The following CHODL variants were observed in gnomAD, a reference collection of about 807,000 sequenced individuals.
CHODL encodes transmembrane protein MT75.
Under a neutral mutation model 34.5 loss-of-function variants are expected in CHODL, and 29 were observed. The observed-to-expected ratio is 0.84, with a 90% CI of 0.63 to 1.15. The LOEUF (loss-of-function observed/expected upper bound fraction) is 1.15. CHODL is among the 50% of genes most tolerant of loss of function. The pLI is 0.00. For missense variants in CHODL, 332 were observed against 332.5 expected (o/e 1.00, Z 0.01); for synonymous variants, 125 against 116.1 (o/e 1.08, Z -0.49).
chr21:17,953,286 A>G (rs941314213), intron 1 of CHODL, among the ~76,000 whole-genome samples: 7 of 152,146 alleles, frequency 4.6e-5, no homozygotes, highest in African/African-American at 1.7e-4. Context: ...AAGAATTAGA[A>G]CATACAAATT....
At chr21:18,249,711 C>T (rs886834595) in intron 1 of CHODL, among the ~76,000 whole-genome samples, 1 of 152,166 alleles carries the variant, frequency 6.6e-6, no homozygotes, top group Non-Finnish European at 1.5e-5. Flanking sequence ...GAGTGTAGAG[C>T]CAGATGGCCT....
At chr21:17,952,194 C>CAAAAAA (rs58511535) in intron 1 of CHODL, among the ~76,000 whole-genome samples, 6,788 of 80,044 alleles carry the variant, frequency 0.085, 670 homozygotes, top group Non-Finnish European at 0.12. Context: ...TACTATGTCT[C>CAAAAAA]AAAAAAAAAA....
intron 4 of CHODL, among the ~76,000 whole-genome samples, chr21:18,262,423 C>T (rs906800380): frequency 6.6e-6 from 1 of 152,050 alleles, no homozygotes; most frequent in Non-Finnish European, 1.5e-5. Flanking sequence ...AACCCCTGCA[C>T]CATGTTACTA....
At chr21:17,942,508 C>T (rs2063373772) in intron 1 of CHODL, among the ~76,000 whole-genome samples, 1 of 152,204 alleles carries the variant, frequency 6.6e-6, no homozygotes, top group African/African-American at 2.4e-5. Context: ...GTCCATTAAA[C>T]TTCTTTCTTT....
rs1026886032 is a variant in CHODL at position 18,245,125 on chromosome 21, C to A, written c.-99C>A. 2 of 1,054,628 alleles carry A rather than the reference C, an allele frequency of 1.9e-6. No homozygotes were observed. Among genetic ancestry groups the A allele is most frequent in the African/African-American group, 3.3e-5 (2 of 59,842 alleles). The allele number at this position is 1,054,628 out of a possible 1,614,324, so 65.3% of individuals were successfully genotyped here. Reference sequence around the variant, plus strand: ...CTCGGGCGGCGGGAGTAGGGCCCGGCAGGGAGGCAGGGAGGCTGCAGAGTC... The same window carrying A: ...CTCGGGCGGCGGGAGTAGGGCCCGGAAGGGAGGCAGGGAGGCTGCAGAGTC... On this transcript the variant is annotated 5_prime_UTR_variant, in exon 1 of 6. Transcript: ENST00000299295.
At chr21:17,929,428 G>A (rs1187160259) in intron 1 of CHODL, among the ~76,000 whole-genome samples, 1 of 152,246 alleles carries the variant, frequency 6.6e-6, no homozygotes, top group Non-Finnish European at 1.5e-5. Flanking sequence ...CTCTTCCATG[G>A]AGATGAATCA....
intron 2 of CHODL, among the ~76,000 whole-genome samples, chr21:18,093,684 G>A (rs2065102388): frequency 6.6e-6 from 1 of 152,090 alleles, no homozygotes; most frequent in African/African-American, 2.4e-5. Flanking sequence ...TAGATTATAT[G>A]ACAGTATTTG....
chr21:18,193,585 A>G (rs1045669833), intron 2 of CHODL, among the ~76,000 whole-genome samples: 4 of 151,728 alleles, frequency 2.6e-5, no homozygotes, highest in Admixed American at 2.6e-4. Context: ...AATCCCAGCT[A>G]CTTGAGAGGC....
At chr21:17,992,759 C>G (rs866908305) in intron 1 of CHODL, among the ~76,000 whole-genome samples, 3 of 103,828 alleles carry the variant, frequency 2.9e-5, no homozygotes, top group Admixed American at 1.4e-4. Flanking sequence ...CAGAGTTTCA[C>G]TTCTGTTGCT....
At chr21:18,065,586 T>C (rs939822455) in intron 2 of CHODL, among the ~76,000 whole-genome samples, 1 of 152,162 alleles carries the variant, frequency 6.6e-6, no homozygotes. Flanking sequence ...ATCCTGGAGA[T>C]TGCAATCAAG....
At chr21:18,205,519 C>T (rs2073702253) in intron 2 of CHODL, among the ~76,000 whole-genome samples, 1 of 152,002 alleles carries the variant, frequency 6.6e-6, no homozygotes, top group Non-Finnish European at 1.5e-5. Flanking sequence ...TTGGCTTGCT[C>T]TTCTTTTCCT....
At chr21:18,047,640 A>G (rs1331573509) in intron 2 of CHODL, among the ~76,000 whole-genome samples, 1 of 151,926 alleles carries the variant, frequency 6.6e-6, no homozygotes, top group African/African-American at 2.4e-5. Flanking sequence ...AAACAACAGT[A>G]CTGGGAAACC....
chr21:17,978,291 G>A (rs548347264), intron 1 of CHODL, among the ~76,000 whole-genome samples: 105 of 151,714 alleles, frequency 6.9e-4, no homozygotes, highest in Non-Finnish European at 1.4e-3. Context: ...GTGTGGTGGC[G>A]CATGCCTGTA....
chr21:18,115,072 C>A (rs1320813400), intron 2 of CHODL, among the ~76,000 whole-genome samples: 1 of 152,182 alleles, frequency 6.6e-6, no homozygotes, highest in Non-Finnish European at 1.5e-5. Context: ...TACATGGCAA[C>A]ATATTACTGA....
At chr21:18,080,210 G>A (rs772003023) in intron 2 of CHODL, among the ~76,000 whole-genome samples, 1 of 152,034 alleles carries the variant, frequency 6.6e-6, no homozygotes. Context: ...AACTATTTGA[G>A]TTCTTTGTAG....
At chr21:18,197,100 AC>A (rs370336115) in intron 2 of CHODL, among the ~76,000 whole-genome samples, 11 of 152,280 alleles carry the variant, frequency 7.2e-5, no homozygotes, top group Middle Eastern at 3.4e-3. Context: ...ATTACATTTG[AC>A]CCATGAATTA....
intron 2 of CHODL, among the ~76,000 whole-genome samples, chr21:18,178,534 T>C (rs531867905): frequency 8.6e-4 from 131 of 152,360 alleles, no homozygotes; most frequent in African/African-American, 3.1e-3. Flanking sequence ...AGTGATAACA[T>C]AAACTATTGA....
rs151238962 is a variant in CHODL at position 18,063,010 on chromosome 21, G to T, written c.-45+35039G>T. Among the ~76,000 whole-genome samples the T allele has an allele frequency of 3.7e-3, 559 of 152,222 alleles. 6 individuals carry two copies. The highest frequency in any genetic ancestry group is 0.013 in the African/African-American group (548 of 41,544). The stretch of plus-strand genomic sequence containing the variant: ...AAACTTCAGAAAAACTCAAAGAAAC[G>T]TGAGAAAAAAGCAGAATATGGCTGG... On this transcript the variant is annotated intron_variant, in intron 2 of 6. Coordinates refer to the CHODL transcript ENST00000400127.
chr21:18,080,013 T>C (rs1184859556), intron 2 of CHODL, among the ~76,000 whole-genome samples: 4 of 152,290 alleles, frequency 2.6e-5, no homozygotes, highest in African/African-American at 9.6e-5. Context: ...TTTCTGACTT[T>C]TTAATGACAG....
Sources: gnomAD v4.1 joint callset for allele counts (sites outside exome capture counted in the v4.1 genomes callset) on GRCh38, gnomAD v4.1.1 for gene constraint, MANE v1.5 for transcripts, NCBI Gene and HGNC (gene_info 2026-07-23, HGNC 2026-07-21) for gene names.